Variants in CDK17 observed in about 807,000 individuals in gnomAD.
CDK17 encodes the protein cyclin dependent kinase 17.
In CDK17, 24 loss-of-function variants were observed where a neutral mutation model predicts 77.6. The observed-to-expected ratio is 0.31, with a 90% CI of 0.22 to 0.44. The LOEUF (loss-of-function observed/expected upper bound fraction) is 0.44. CDK17 is among the 20% of genes least tolerant of loss of function. The pLI is 1.00. For synonymous variants in CDK17, 203 were observed against 210.4 expected, an observed-to-expected ratio of 0.96 and a Z score of 0.30; for missense variants, 429 against 622.5, an observed-to-expected ratio of 0.69 and a Z score of 3.31.
intron 5 of CDK17, among the ~76,000 whole-genome samples, chr12:96,308,586 G>A (rs188303305): frequency 1.8e-4 from 27 of 151,744 alleles, no homozygotes; most frequent in Admixed American, 1.6e-3. Flanking sequence ...AAAATTAGCA[G>A]GACATGGTGG....
At chr12:96,370,990 G>C (rs1198214234) in intron 1 of CDK17, among the ~76,000 whole-genome samples, 1 of 152,168 alleles carries the variant, frequency 6.6e-6, no homozygotes, top group Admixed American at 6.5e-5. Flanking sequence ...TCTGAAATCA[G>C]ATCTTCTAAA....
At chr12:96,307,187 C>T (rs1362878424) in intron 5 of CDK17, among the ~76,000 whole-genome samples, 5 of 151,748 alleles carry the variant, frequency 3.3e-5, no homozygotes, top group Admixed American at 1.3e-4. Flanking sequence ...CCCAGCTACT[C>T]GGGAGGCTGA....
intron 15 of CDK17, 52 bp from the exon 16 acceptor site, chr12:96,280,937 C>T (rs1262156371): frequency 8.7e-6 from 12 of 1,383,998 alleles, no homozygotes; most frequent in Non-Finnish European, 1.2e-5. Context: ...TTAAAACAAA[C>T]ACAACCCTAC....
At chr12:96,292,143 C>CT (rs1227808188) in intron 10 of CDK17, among the ~76,000 whole-genome samples, 1 of 152,036 alleles carries the variant, frequency 6.6e-6, no homozygotes, top group Non-Finnish European at 1.5e-5. Flanking sequence ...CACACATTTC[C>CT]TTTTTAAGGA....
chr12:96,392,166 C>CT (rs1954080233), intron 1 of CDK17, among the ~76,000 whole-genome samples: 1 of 152,156 alleles, frequency 6.6e-6, no homozygotes, highest in African/African-American at 2.4e-5. Flanking sequence ...TACTATATAG[C>CT]AGAACCACCA....
Position 96,294,611 on chromosome 12 carries a change from A to AAAT in CDK17, c.997+387_997+388insATT, listed in dbSNP as rs71097274. On this transcript the variant is annotated intron_variant, in intron 10 of 16. Coordinates refer to ENST00000261211, the MANE Select transcript of CDK17 (RefSeq NM_002595.5). ...AAAAAAAAAAAAAAAAAAAAAAAAA[A>AAAT]GATATATTTTGGTGCCACTACTTTG... 8.3e-4 allele frequency among the ~76,000 whole-genome samples: 101 copies of AAAT among 121,308 alleles called. 5 individuals are homozygous for AAAT. Among genetic ancestry groups the AAAT allele is most frequent in the African/African-American group, 2.7e-3 (89 of 32,466 alleles). 79.6% of individuals were successfully genotyped at this position (121,308 alleles called of 152,430 possible). A position where few individuals can be genotyped will look rare whatever the true frequency, so the allele number is the denominator to read the frequency against.
At chr12:96,373,898 C>T (rs1258568873) in intron 1 of CDK17, among the ~76,000 whole-genome samples, 4 of 151,814 alleles carry the variant, frequency 2.6e-5, no homozygotes, top group Non-Finnish European at 5.9e-5. Context: ...CCACCCTGGG[C>T]GACAGAGCGA....
chr12:96,361,660 T>C (rs202151560), intron 1 of CDK17, among the ~76,000 whole-genome samples: 1 of 152,244 alleles, frequency 6.6e-6, no homozygotes, highest in East Asian at 1.9e-4. Context: ...GTATCTATTT[T>C]AATACACCAA....
intron 5 of CDK17, 143 bp from the exon 6 acceptor site, chr12:96,300,503 T>C: frequency 1.8e-6 from 1 of 554,846 alleles, no homozygotes; most frequent in Non-Finnish European, 3.2e-6. Flanking sequence ...TTCAAGTGAT[T>C]CTCCTGCCTC....
chr12:96,345,939 T>C (rs1953203952), intron 1 of CDK17, among the ~76,000 whole-genome samples: 1 of 152,234 alleles, frequency 6.6e-6, no homozygotes, highest in African/African-American at 2.4e-5. Context: ...TTCTTCCTTA[T>C]CAGTATTTTA....
rs1275972154 is a variant in CDK17 at position 96,320,461 on chromosome 12, A to G, written c.283+3487T>C. Among the ~76,000 whole-genome samples, 88 of 149,876 alleles carry G rather than the reference A, an allele frequency of 5.9e-4. No individual in the cohort carries two copies. In the East Asian group the frequency reaches 0.016, roughly 27 times the overall value. On this transcript the variant is annotated intron_variant, in intron 3 of 16. Coordinates refer to ENST00000261211, the MANE Select transcript of CDK17 (RefSeq NM_002595.5). Reference sequence around the variant, plus strand: ...TCACAGAATTGGGAAAAACTACTTTAAAGTTCATATGGAACCAAAAAAGAG... The same window carrying G: ...TCACAGAATTGGGAAAAACTACTTTGAAGTTCATATGGAACCAAAAAAGAG...
chr12:96,399,738 G>C (rs1954228333), intron 1 of CDK17, among the ~76,000 whole-genome samples: 1 of 152,054 alleles, frequency 6.6e-6, no homozygotes, highest in Non-Finnish European at 1.5e-5. Flanking sequence ...GAAGCAGCTC[G>C]CAGACACTCA....
chr12:96,336,229 A>G (rs1410876561), intron 1 of CDK17, among the ~76,000 whole-genome samples: 4 of 152,184 alleles, frequency 2.6e-5, no homozygotes, highest in Non-Finnish European at 5.9e-5. Flanking sequence ...TGGGAGGCCA[A>G]GGCAGGAGGA....
chr12:96,327,880 G>T (rs897346145), intron 2 of CDK17, among the ~76,000 whole-genome samples: 1 of 152,120 alleles, frequency 6.6e-6, no homozygotes, highest in Non-Finnish European at 1.5e-5. Flanking sequence ...CAGATCAACT[G>T]TTAAACATAT....
Position 96,316,741 on chromosome 12 carries a change from AG to A in CDK17, c.284-3288del, listed in dbSNP as rs1418370616. ...GGGTATTCCAACAGACCTGCAGCTG[AG>A]GGTCCTGTCTGTTAGAAGGAAAACT... is the stretch of plus-strand genomic sequence containing the variant. On this transcript the variant is annotated intron_variant, in intron 3 of 16. Coordinates refer to ENST00000261211, the MANE Select transcript of CDK17 (RefSeq NM_002595.5). Among the ~76,000 whole-genome samples, 16 of 126,402 alleles carry A rather than the reference AG, an allele frequency of 1.3e-4. No homozygotes were observed. The South Asian group carries it at 4.2e-3, about 33-fold the overall frequency. 82.9% of individuals were successfully genotyped at this position (126,402 alleles called of 152,430 possible). A position where few individuals can be genotyped will look rare whatever the true frequency, so the allele number is the denominator to read the frequency against.
rs137990615 is a variant in CDK17, at chr12:96,282,573, A to G, written c.1392T>C (p.Ala464=). The change falls in exon 15 of 17, where the codon GCT becomes GCC. Residue 464 remains alanine (A), a synonymous_variant. Transcript: ENST00000261211. ...AGTACACATGTTTCATGGCCTCTTC[A>G]GCTGAAACCCTTTTCTTAGATTCAT... ...LQYESKKRVS[A]EEAMKHVYFR... is the part of the protein sequence containing the mutation. 8 of 1,612,414 alleles carry G rather than the reference A, an allele frequency of 5.0e-6. No homozygotes were observed. Among genetic ancestry groups the G allele is most frequent in the African/African-American group, 1.3e-5 (1 of 75,030 alleles).
At position 96,377,697 on chromosome 12, in the gene CDK17, T is replaced by G. The variant is rs868700385; in HGVS notation, c.-30+22289A>C. ...TACAGAAGCAGTTTTTTTTTTTCGT[T>G]TTTTTTTTTTTTTTGAGATGGAGTC... On this transcript the variant is annotated intron_variant, in intron 1 of 16. Coordinates refer to ENST00000261211, the MANE Select transcript of CDK17 (RefSeq NM_002595.5). 9.6e-5 allele frequency among the ~76,000 whole-genome samples: 6 copies of G among 62,680 alleles called. No homozygotes were observed. The East Asian group carries it at 1.1e-3, about 11-fold the overall frequency. The allele number at this position is 62,680 out of a possible 152,430, so 41.1% of individuals were successfully genotyped here. A position where few individuals can be genotyped will look rare whatever the true frequency, so the allele number is the denominator to read the frequency against.
At position 96,385,504 on chromosome 12, in the gene CDK17, C is replaced by T. The variant is rs1234184218; in HGVS notation, c.-30+14482G>A. Among the ~76,000 whole-genome samples the T allele has an allele frequency of 3.3e-5, 5 of 151,592 alleles. No individual in the cohort carries two copies. The East Asian group carries it at 7.7e-4, about 23-fold the overall frequency. On this transcript the variant is annotated intron_variant, in intron 1 of 16. Transcript: ENST00000261211. ...GAACCTGCACTTGTATGCCCTGAAT[C>T]AAAAATAAAAGTTGAAATTATTTTT...
intron 2 of CDK17, among the ~76,000 whole-genome samples, chr12:96,333,745 T>C (rs1455550434): frequency 6.6e-6 from 1 of 151,432 alleles, no homozygotes; most frequent in African/African-American, 2.4e-5. Context: ...TGCAGAACAG[T>C]AGCATTGTTA....
Sources: allele counts gnomAD v4.1 joint callset (sites outside exome capture counted in the v4.1 genomes callset), GRCh38; gene constraint gnomAD v4.1.1; transcripts MANE v1.5; gene names NCBI Gene and HGNC (gene_info 2026-07-23, HGNC 2026-07-21).